Variants in FHIT observed in about 807,000 individuals in gnomAD.
The protein encoded by FHIT is fragile histidine triad diadenosine triphosphatase.
A neutral mutation model predicts 17.9 loss-of-function variants in FHIT; 19 were observed. The ratio of observed to expected loss-of-function variants is 1.06; its 90% confidence interval spans 0.74 to 1.56. FHIT has a LOEUF of 1.56. FHIT is among the 40% of genes most tolerant of loss of function. The pLI, the probability that FHIT is intolerant of heterozygous loss-of-function variation, is 0.00. For missense variants in FHIT, 248 were observed against 189.2 expected (o/e 1.31, Z -1.82); for synonymous variants, 81 against 69.7 (o/e 1.16, Z -0.81).
rs1334945251 is a variant in FHIT, at chr3:60,471,946, T to G, written c.103+64914A>C. ...GATTAGGCTGACATGAATGATCATA[T>G]TTTTAATAACTTATTAACCTAATTG... On this transcript the variant is annotated intron_variant, in intron 5 of 9. Coordinates refer to ENST00000492590, the MANE Select transcript of FHIT (RefSeq NM_002012.4). Among the ~76,000 whole-genome samples, 3 of 152,214 alleles carry G rather than the reference T, an allele frequency of 2.0e-5. No homozygotes were observed. The South Asian group carries it at 6.2e-4, about 32-fold the overall frequency.
chr3:60,659,092 T>C (rs2040182502), intron 4 of FHIT, among the ~76,000 whole-genome samples: 1 of 152,012 alleles, frequency 6.6e-6, no homozygotes, highest in Non-Finnish European at 1.5e-5. Flanking sequence ...CCTTTGACTA[T>C]GTCAGCCCAT....
intron 3 of FHIT, among the ~76,000 whole-genome samples, chr3:60,900,221 C>G (rs1050398751): frequency 6.6e-6 from 1 of 152,056 alleles, no homozygotes; most frequent in South Asian, 2.1e-4. Flanking sequence ...TTCAGGGCCA[C>G]AGTTAGGGTG....
intron 5 of FHIT, among the ~76,000 whole-genome samples, chr3:60,206,953 T>C (rs765141064): frequency 1.3e-5 from 2 of 152,146 alleles, no homozygotes; most frequent in Admixed American, 1.3e-4. Flanking sequence ...AGAGTAAAAA[T>C]AGATACCTCC....
At chr3:60,306,745 C>A (rs1439341483) in intron 5 of FHIT, among the ~76,000 whole-genome samples, 1 of 152,110 alleles carries the variant, frequency 6.6e-6, no homozygotes, top group Non-Finnish European at 1.5e-5. Context: ...AAAACAAACA[C>A]ATTACATGAT....
chr3:60,641,813 C>A (rs2039731914), intron 4 of FHIT, among the ~76,000 whole-genome samples: 1 of 152,154 alleles, frequency 6.6e-6, no homozygotes, highest in Non-Finnish European at 1.5e-5. Context: ...AGATGTCATA[C>A]TCCTCTGCAA....
intron 8 of FHIT, among the ~76,000 whole-genome samples, chr3:59,837,157 A>G (rs1202468949): frequency 6.6e-6 from 1 of 152,164 alleles, no homozygotes; most frequent in Non-Finnish European, 1.5e-5. Flanking sequence ...ATGGCTGAGT[A>G]GTCCTGGAGT....
At chr3:59,786,424 C>G (rs1285254767) in intron 8 of FHIT, among the ~76,000 whole-genome samples, 3 of 152,206 alleles carry the variant, frequency 2.0e-5, no homozygotes, top group Non-Finnish European at 4.4e-5. Context: ...GTTTCCCTAG[C>G]CATTTCTGGA....
intron 8 of FHIT, among the ~76,000 whole-genome samples, chr3:59,907,296 C>T (rs1367937077): frequency 6.6e-6 from 1 of 152,216 alleles, no homozygotes; most frequent in Admixed American, 6.5e-5. Flanking sequence ...ATTTCTTACC[C>T]ATGTGTAGCA....
intron 8 of FHIT, among the ~76,000 whole-genome samples, chr3:59,847,227 C>A (rs1701755722): frequency 6.6e-6 from 1 of 152,228 alleles, no homozygotes; most frequent in Admixed American, 6.5e-5. Flanking sequence ...CGTTGGTTCA[C>A]TTGATGGTGT....
chr3:60,057,989 G>C (rs970149190), intron 5 of FHIT, among the ~76,000 whole-genome samples: 4 of 151,938 alleles, frequency 2.6e-5, no homozygotes, highest in South Asian at 2.1e-4. Flanking sequence ...TAGTGTTTTG[G>C]TAACAATTCC....
At chr3:60,300,974 T>C (rs915647297) in intron 5 of FHIT, among the ~76,000 whole-genome samples, 3 of 152,014 alleles carry the variant, frequency 2.0e-5, no homozygotes, top group African/African-American at 7.2e-5. Flanking sequence ...AACTCATCTC[T>C]AAAAAGCAGC....
chr3:61,047,377 C>T (rs572547084), intron 2 of FHIT, among the ~76,000 whole-genome samples: 2 of 152,290 alleles, frequency 1.3e-5, no homozygotes, highest in South Asian at 2.1e-4. Context: ...AACTCCCATT[C>T]TCAATTGCTT....
intron 7 of FHIT, among the ~76,000 whole-genome samples, chr3:59,976,441 G>A (rs1227392823): frequency 6.6e-6 from 1 of 151,726 alleles, no homozygotes; most frequent in East Asian, 1.9e-4. Flanking sequence ...AAATAATTAA[G>A]TACTTTATGA....
chr3:60,368,106 G>C (rs772696069), intron 5 of FHIT, among the ~76,000 whole-genome samples: 1 of 150,402 alleles, frequency 6.6e-6, no homozygotes, highest in Non-Finnish European at 1.5e-5. Flanking sequence ...ATGAACATTT[G>C]TGTAGCAAAA....
chr3:61,176,429 T>G (rs1451618150), intron 2 of FHIT, among the ~76,000 whole-genome samples: 2 of 152,218 alleles, frequency 1.3e-5, no homozygotes, highest in Non-Finnish European at 2.9e-5. Flanking sequence ...CTGGAAAACA[T>G]CAATACCTCT....
intron 5 of FHIT, among the ~76,000 whole-genome samples, chr3:60,330,512 G>A (rs945845846): frequency 1.3e-5 from 2 of 152,106 alleles, no homozygotes; most frequent in African/African-American, 2.4e-5. Flanking sequence ...TCACTTCTAC[G>A]TCTGCACTTT....
At chr3:60,053,205 TAG>T (rs1450877108) in intron 5 of FHIT, among the ~76,000 whole-genome samples, 4 of 151,784 alleles carry the variant, frequency 2.6e-5, no homozygotes, top group African/African-American at 9.7e-5. Flanking sequence ...GTCACCTCCA[TAG>T]AGAGGCCTTC....
intron 5 of FHIT, among the ~76,000 whole-genome samples, chr3:60,071,111 G>A (rs147780907): frequency 4.3e-4 from 65 of 152,234 alleles, no homozygotes; most frequent in African/African-American, 1.4e-3. Context: ...TGCTTGCCAT[G>A]CCCTAGTCCT....
intron 2 of FHIT, among the ~76,000 whole-genome samples, chr3:61,050,281 C>G (rs1194485373): frequency 6.6e-6 from 1 of 151,942 alleles, no homozygotes; most frequent in African/African-American, 2.4e-5. Flanking sequence ...CAGCCATCTT[C>G]AAAATATAGA....
Sources: allele counts gnomAD v4.1 joint callset (sites outside exome capture counted in the v4.1 genomes callset), GRCh38; gene constraint gnomAD v4.1.1; transcripts MANE v1.5; gene names NCBI Gene and HGNC (gene_info 2026-07-23, HGNC 2026-07-21).